Variants in SPOCK3 observed in about 807,000 individuals in gnomAD.
SPOCK3 encodes the protein SPARC (osteonectin), cwcv and kazal like domains proteoglycan 3.
A neutral mutation model predicts 56.6 loss-of-function variants in SPOCK3; 30 were observed. That is an observed-to-expected ratio of 0.53 (90% CI 0.40 to 0.72). The LOEUF (loss-of-function observed/expected upper bound fraction) is 0.72, where lower values mean the gene tolerates loss of function less well. SPOCK3 is among the 30% of genes least tolerant of loss of function. The probability of loss-of-function intolerance (pLI) is 0.00; values close to 1 mark genes in which losing one functional copy is unlikely to be tolerated. For missense variants in SPOCK3, 527 were observed against 530.0 expected (o/e 0.99, Z 0.06); for synonymous variants, 196 against 183.3 (o/e 1.07, Z -0.56).
At chr4:166,934,576 A>T (rs1394289623) in intron 4 of SPOCK3, among the ~76,000 whole-genome samples, 8 of 152,146 alleles carry the variant, frequency 5.3e-5, no homozygotes, top group Non-Finnish European at 2.9e-5. Context: ...TTTGGTACAT[A>T]TATGTATTTA....
intron 7 of SPOCK3, among the ~76,000 whole-genome samples, chr4:166,761,921 A>AAAAAGAG (rs1356774043): frequency 6.6e-6 from 1 of 150,762 alleles, no homozygotes; most frequent in African/African-American, 2.5e-5. Flanking sequence ...AAAAAAAAAA[A>AAAAAGAG]AGAGATTTGG....
intron 4 of SPOCK3, among the ~76,000 whole-genome samples, chr4:166,921,580 T>C (rs1427910557): frequency 6.6e-6 from 1 of 152,158 alleles, no homozygotes; most frequent in Non-Finnish European, 1.5e-5. Context: ...CCTCCCAAAG[T>C]GCTGTGATTA....
intron 3 of SPOCK3, among the ~76,000 whole-genome samples, chr4:167,055,464 G>T (rs1245889341): frequency 6.6e-6 from 1 of 152,166 alleles, no homozygotes; most frequent in Non-Finnish European, 1.5e-5. Flanking sequence ...GACAGTGGGT[G>T]CAGCACACCG....
intron 2 of SPOCK3, among the ~76,000 whole-genome samples, chr4:167,179,525 T>C (rs1025498873): frequency 1.2e-4 from 19 of 152,320 alleles, no homozygotes; most frequent in African/African-American, 4.3e-4. Flanking sequence ...TATAATCAAG[T>C]AACTTTTATT....
At chr4:166,897,257 G>A (rs1196813135) in intron 5 of SPOCK3, among the ~76,000 whole-genome samples, 1 of 152,002 alleles carries the variant, frequency 6.6e-6, no homozygotes, top group Non-Finnish European at 1.5e-5. Flanking sequence ...GTGTAGTGTT[G>A]GGGGACAAGT....
rs557558679 is a variant in SPOCK3 at position 167,071,826 on chromosome 4, T to C, written c.190-9289A>G. On this transcript the variant is annotated intron_variant, in intron 2 of 10. Transcript: ENST00000357545. ...GTCTTCCACAATGGTTGAACTAATTTACACTCCCACCAACAGTGTAAAGGG... is the reference window on the plus strand; with the variant it reads ...GTCTTCCACAATGGTTGAACTAATTCACACTCCCACCAACAGTGTAAAGGG... Among the ~76,000 whole-genome samples, 8 of 152,176 alleles carry C rather than the reference T, an allele frequency of 5.3e-5. No individual in the cohort carries two copies. In the East Asian group the frequency reaches 1.4e-3, roughly 26 times the overall value.
chr4:167,183,555 A>G (rs1731682973), intron 2 of SPOCK3, among the ~76,000 whole-genome samples: 1 of 152,218 alleles, frequency 6.6e-6, no homozygotes, highest in Admixed American at 6.5e-5. Flanking sequence ...TTCATGATAA[A>G]AAAAGAGTCT....
intron 2 of SPOCK3, among the ~76,000 whole-genome samples, chr4:167,216,020 T>C (rs892915571): frequency 6.6e-6 from 1 of 152,140 alleles, no homozygotes; most frequent in Non-Finnish European, 1.5e-5. Flanking sequence ...TAGAGTAATG[T>C]TAGAAATGAC....
In SPOCK3 at chr4:166,813,477, T is replaced by A. The variant is rs76890529; in HGVS notation, c.590-21188A>T. Among the ~76,000 whole-genome samples, 531 of 152,186 alleles carry A rather than the reference T, an allele frequency of 3.5e-3. 3 individuals carry two copies. The highest frequency in any genetic ancestry group is 0.012 in the African/African-American group (496 of 41,562). On this transcript the variant is annotated intron_variant, in intron 6 of 10. Transcript: ENST00000357545. ...TAGCAACTAGAAGTTTATTATCAAA[T>A]ATTTATTTGCTCAAATAATAATTCA...
chr4:166,777,154 A>G (rs1462987020), intron 7 of SPOCK3, among the ~76,000 whole-genome samples: 1 of 152,194 alleles, frequency 6.6e-6, no homozygotes, highest in Non-Finnish European at 1.5e-5. Context: ...TAGAGAGTTG[A>G]TAGAGGTTTT....
At chr4:166,955,618 TTAATA>T (rs1488495542) in intron 4 of SPOCK3, among the ~76,000 whole-genome samples, 2 of 145,362 alleles carry the variant, frequency 1.4e-5, no homozygotes, top group Non-Finnish European at 3.0e-5. Flanking sequence ...TAGATTAAAT[TTAATA>T]TAATTTAATT....
chr4:166,747,735 C>T (rs1224334262), intron 8 of SPOCK3, among the ~76,000 whole-genome samples: 1 of 151,940 alleles, frequency 6.6e-6, no homozygotes, highest in African/African-American at 2.4e-5. Context: ...TTTAGAAAAC[C>T]CCACTGTCTC....
At chr4:166,790,989 A>G (rs1386404634) in intron 7 of SPOCK3, among the ~76,000 whole-genome samples, 1 of 152,208 alleles carries the variant, frequency 6.6e-6, no homozygotes, top group Non-Finnish European at 1.5e-5. Flanking sequence ...TAAAGCTCAA[A>G]GGCATCAAAA....
At chr4:167,225,945 T>C (rs149008536) in intron 2 of SPOCK3, among the ~76,000 whole-genome samples, 3 of 152,286 alleles carry the variant, frequency 2.0e-5, no homozygotes, top group African/African-American at 7.2e-5. Context: ...TCTAGTATTA[T>C]TTCAGCAAAA....
chr4:167,167,623 G>C (rs1730095452), intron 2 of SPOCK3, among the ~76,000 whole-genome samples: 1 of 152,176 alleles, frequency 6.6e-6, no homozygotes, highest in South Asian at 2.1e-4. Flanking sequence ...CACTTTCTGT[G>C]ATAGAGGATC....
At chr4:167,106,164 C>A (rs1760124636) in intron 2 of SPOCK3, among the ~76,000 whole-genome samples, 1 of 151,874 alleles carries the variant, frequency 6.6e-6, no homozygotes, top group South Asian at 2.1e-4. Flanking sequence ...CATCCAACAG[C>A]TTGGAAATAC....
At chr4:167,039,142 T>C (rs557043770) in intron 3 of SPOCK3, among the ~76,000 whole-genome samples, 31 of 152,298 alleles carry the variant, frequency 2.0e-4, no homozygotes, top group African/African-American at 7.0e-4. Flanking sequence ...TGGTGTTCCT[T>C]GCTTCCCTCA....
At chr4:167,005,180 C>T (rs1410988960) in intron 3 of SPOCK3, among the ~76,000 whole-genome samples, 1 of 151,974 alleles carries the variant, frequency 6.6e-6, no homozygotes, top group Non-Finnish European at 1.5e-5. Context: ...ATACTGAGAA[C>T]AGAATAATGG....
intron 8 of SPOCK3, among the ~76,000 whole-genome samples, chr4:166,747,735 C>G (rs1224334262): frequency 2.0e-5 from 3 of 151,940 alleles, no homozygotes; most frequent in Non-Finnish European, 4.4e-5. Flanking sequence ...TTTAGAAAAC[C>G]CCACTGTCTC....
Sources: gnomAD v4.1 joint callset for allele counts (sites outside exome capture counted in the v4.1 genomes callset) on GRCh38, gnomAD v4.1.1 for gene constraint, MANE v1.5 for transcripts, NCBI Gene and HGNC (gene_info 2026-07-23, HGNC 2026-07-21) for gene names.